The following ANO5 variants were observed in gnomAD, a reference collection of about 807,000 sequenced individuals.
ANO5 encodes the protein anoctamin-5.
A neutral mutation model predicts 121.0 loss-of-function variants in ANO5; 109 were observed. The observed-to-expected ratio is 0.90, with a 90% CI of 0.77 to 1.06. ANO5 has a LOEUF of 1.06. ANO5 is among the 50% of genes least tolerant of loss of function. The pLI, the probability that ANO5 is intolerant of heterozygous loss-of-function variation, is 0.00. For missense variants in ANO5, 1,064 were observed against 1,078.5 expected (o/e 0.99, Z 0.19); for synonymous variants, 406 against 359.9 (o/e 1.13, Z -1.45).
At chr11:22,231,615 G>A (rs913428466) in intron 7 of ANO5, among the ~76,000 whole-genome samples, 1 of 151,584 alleles carries the variant, frequency 6.6e-6, no homozygotes, top group African/African-American at 2.4e-5. Context: ...TAGCTATTCA[G>A]GTTGTTTCCA....
At chr11:22,225,843 C>A in intron 5 of ANO5, 141 bp from the exon 6 acceptor site, 1 of 651,336 alleles carries the variant, frequency 1.5e-6, no homozygotes. Flanking sequence ...ACCTGACATT[C>A]AGATGGAGCA....
At position 22,282,083 on chromosome 11, in the gene ANO5, T is replaced by A. The variant is rs558656762; in HGVS notation, c.*2318T>A. The A allele has an allele frequency of 1.3e-5, 2 of 152,226 alleles. No individual in the cohort carries two copies. Among genetic ancestry groups the A allele is most frequent in the African/African-American group, 4.8e-5 (2 of 41,562 alleles). 9.4% of individuals were successfully genotyped at this position (152,226 alleles called of 1,614,324 possible). ...GTCTCATCTAATTAAACCCATTGGT[T>A]TTTATGGGAGGGCTGCATTAAGAGC... On this transcript the variant is annotated 3_prime_UTR_variant, in exon 22 of 22. Coordinates refer to ENST00000324559, the MANE Select transcript of ANO5 (RefSeq NM_213599.3).
chr11:22,203,494 C>A (rs1328081489), intron 1 of ANO5, among the ~76,000 whole-genome samples: 1 of 152,068 alleles, frequency 6.6e-6, no homozygotes, highest in Non-Finnish European at 1.5e-5. Flanking sequence ...GGGTATTTAA[C>A]TCTCAGTGGT....
At chr11:22,269,870 A>G (rs1457924517) in intron 17 of ANO5, among the ~76,000 whole-genome samples, 1 of 152,164 alleles carries the variant, frequency 6.6e-6, no homozygotes, top group Non-Finnish European at 1.5e-5. Flanking sequence ...CATGGAATTT[A>G]GTTGGTTAAA....
chr11:22,246,026 C>T (rs1187570976), intron 9 of ANO5, among the ~76,000 whole-genome samples: 2 of 152,106 alleles, frequency 1.3e-5, no homozygotes, highest in Non-Finnish European at 2.9e-5. Context: ...GCTGTGGGCA[C>T]CCATCTTCCC....
At position 22,242,142 on chromosome 11, in the gene ANO5, G is replaced by A. The variant is rs116649195; in HGVS notation, c.878+2458G>A. On this transcript the variant is annotated intron_variant, in intron 9 of 21. Coordinates refer to ENST00000324559, the MANE Select transcript of ANO5 (RefSeq NM_213599.3). ...TATCCCAGCACCATTTATTGAATAC[G>A]GAATCCGTTCCCCATTGCTTGTTTT... Among the ~76,000 whole-genome samples the A allele has an allele frequency of 6.9e-3, 1,055 of 152,148 alleles. 10 individuals carry two copies. Among genetic ancestry groups the A allele is most frequent in the African/African-American group, 0.024 (996 of 41,524 alleles).
At chr11:22,214,366 G>C (rs917085683) in intron 3 of ANO5, among the ~76,000 whole-genome samples, 1 of 151,922 alleles carries the variant, frequency 6.6e-6, no homozygotes, top group African/African-American at 2.4e-5. Context: ...GGGAAGTTTG[G>C]TTTTTTTTAA....
At chr11:22,259,123 A>C (rs928416970) in intron 14 of ANO5, among the ~76,000 whole-genome samples, 1 of 126,308 alleles carries the variant, frequency 7.9e-6, no homozygotes, top group Non-Finnish European at 1.6e-5. Flanking sequence ...ACAGAGCGAG[A>C]CTCTGTCTCA....
rs1855017852 is a variant in ANO5 at position 22,279,865 on chromosome 11, TTTTTTTTTTTTTTC to T, written c.*112_*125del. The T allele has an allele frequency of 2.1e-3, 2 of 950 alleles. No individual in the cohort carries two copies. Among genetic ancestry groups the T allele is most frequent in the African/African-American group, 7.5e-3 (1 of 134 alleles). The allele number at this position is 950 out of a possible 1,614,324, so 0.1% of individuals were successfully genotyped here. The stretch of plus-strand genomic sequence containing the variant: ...AGCCATGTGTCAATTTTACCCTTTC[TTTTTTTTTTTTTTC>T]TTTTTTTTTTTAAACTCAAAGTTTT... On this transcript the variant is annotated 3_prime_UTR_variant, in exon 22 of 22. Coordinates refer to ENST00000324559, the MANE Select transcript of ANO5 (RefSeq NM_213599.3).
upstream of ANO5, among the ~76,000 whole-genome samples, chr11:22,192,722 A>T (rs1851685634): frequency 6.6e-6 from 1 of 152,350 alleles, no homozygotes; most frequent in East Asian, 1.9e-4. Context: ...GGATTCCGAC[A>T]GGAGGGAAGC....
chr11:22,239,345 C>CA (rs1853345060), intron 8 of ANO5, among the ~76,000 whole-genome samples: 8 of 151,938 alleles, frequency 5.3e-5, no homozygotes. Context: ...TGAGTAAAGC[C>CA]AAAGTCTTAT....
At chr11:22,228,183 T>A (rs1296770286) in intron 7 of ANO5, among the ~76,000 whole-genome samples, 3 of 152,056 alleles carry the variant, frequency 2.0e-5, no homozygotes, top group Non-Finnish European at 4.4e-5. Context: ...TGGAATAATA[T>A]CCACTTCATA....
intron 18 of ANO5, among the ~76,000 whole-genome samples, chr11:22,271,625 A>G (rs1854614923): frequency 6.6e-6 from 1 of 152,208 alleles, no homozygotes; most frequent in Admixed American, 6.5e-5. Flanking sequence ...AAAAGTTGAA[A>G]CAAAGGTTTC....
chr11:22,199,936 C>G (rs1347758977), intron 1 of ANO5, among the ~76,000 whole-genome samples: 1 of 152,068 alleles, frequency 6.6e-6, no homozygotes, highest in Non-Finnish European at 1.5e-5. Context: ...TTGAAATGAA[C>G]TTTTATTTCA....
intron 7 of ANO5, among the ~76,000 whole-genome samples, chr11:22,235,313 C>A (rs4592418): frequency 0.15 from 22,850 of 151,718 alleles, 5,010 homozygotes; most frequent in African/African-American, 0.48. Context: ...ATATGTAAAA[C>A]AGGTCATATT....
chr11:22,259,213 G>A (rs1040868387), intron 14 of ANO5, among the ~76,000 whole-genome samples: 1 of 152,026 alleles, frequency 6.6e-6, no homozygotes, highest in African/African-American at 2.4e-5. Context: ...AAGGCCACGG[G>A]CAGGATTTGG....
In ANO5 at chr11:22,281,129, A is replaced by G. The variant is rs891356456; in HGVS notation, c.*1364A>G. 1 of 152,050 alleles carries G rather than the reference A, an allele frequency of 6.6e-6. No individual in the cohort carries two copies. Among genetic ancestry groups the G allele is most frequent in the Admixed American group, 6.6e-5 (1 of 15,264 alleles). 9.4% of individuals were successfully genotyped at this position (152,050 alleles called of 1,614,324 possible). A position where few individuals can be genotyped will look rare whatever the true frequency, so the allele number is the denominator to read the frequency against. On this transcript the variant is annotated 3_prime_UTR_variant, in exon 22 of 22. Transcript: ENST00000324559. ...ATCTATATATATAATTATTAGCACT[A>G]GAGGGATATAGTCCAGTTATGTAGT... is the stretch of plus-strand genomic sequence containing the variant.
In ANO5 at chr11:22,282,019, C is replaced by T. The variant is rs1855099261; in HGVS notation, c.*2254C>T. On this transcript the variant is annotated 3_prime_UTR_variant, in exon 22 of 22. Coordinates refer to ENST00000324559, the MANE Select transcript of ANO5 (RefSeq NM_213599.3). ...TATTCGTCACTTTCCTGAAACCATG[C>T]TAACCAAAATCAGTAGCCAAACCAA... 1.3e-5 allele frequency: 2 copies of T among 152,008 alleles called. No homozygotes were observed. The highest frequency in any genetic ancestry group is 2.9e-5 in the Non-Finnish European group (2 of 67,942). 9.4% of individuals were successfully genotyped at this position (152,008 alleles called of 1,614,324 possible). A position where few individuals can be genotyped will look rare whatever the true frequency, so the allele number is the denominator to read the frequency against.
intron 8 of ANO5, 112 bp from the exon 9 acceptor site, chr11:22,239,451 CTAAAAG>C (rs1853349110): frequency 1.4e-6 from 1 of 732,964 alleles, no homozygotes; most frequent in African/African-American, 1.8e-5. Context: ...AATATGAAAT[CTAAAAG>C]TAAAAGAAAA....
Sources: allele counts gnomAD v4.1 joint callset (sites outside exome capture counted in the v4.1 genomes callset), GRCh38; gene constraint gnomAD v4.1.1; transcripts MANE v1.5; gene names NCBI Gene and HGNC (gene_info 2026-07-23, HGNC 2026-07-21).